Variants in ERC2 observed in about 807,000 individuals in gnomAD.
ERC2 encodes the protein ERC protein 2.
ERC2 carries 42 observed loss-of-function variants against 114.8 expected under a neutral mutation model. The ratio of observed to expected loss-of-function variants is 0.37; its 90% confidence interval spans 0.29 to 0.47. The LOEUF (loss-of-function observed/expected upper bound fraction) is 0.47, where lower values mean the gene tolerates loss of function less well. Ranked by LOEUF, ERC2 falls within the 20% of genes least tolerant of loss-of-function variation. The pLI, the probability that ERC2 is intolerant of heterozygous loss-of-function variation, is 0.99. For synonymous variants in ERC2, 454 were observed against 425.5 expected, an observed-to-expected ratio of 1.07 and a Z score of -0.82; for missense variants, 939 against 1,150.7, an observed-to-expected ratio of 0.82 and a Z score of 2.66.
At chr3:55,698,324 A>C (rs903999135) in intron 16 of ERC2, among the ~76,000 whole-genome samples, 2 of 152,038 alleles carry the variant, frequency 1.3e-5, no homozygotes, top group African/African-American at 2.4e-5. Context: ...TGTTCTATAT[A>C]AACAGCTCCC....
intron 12 of ERC2, among the ~76,000 whole-genome samples, chr3:55,958,160 G>A (rs1057400031): frequency 1.3e-5 from 2 of 152,168 alleles, no homozygotes; most frequent in Admixed American, 1.3e-4. Context: ...TTTTCTGCAG[G>A]CAGGTCATCC....
At chr3:56,083,055 GC>G (rs2077319364) in intron 6 of ERC2, among the ~76,000 whole-genome samples, 1 of 152,172 alleles carries the variant, frequency 6.6e-6, no homozygotes, top group African/African-American at 2.4e-5. Context: ...GTTGGGGACT[GC>G]TGATATAGAA....
In ERC2 at chr3:55,882,750, T is replaced by C. The variant is rs1354556288; in HGVS notation, c.2564+5639A>G. 3.9e-5 allele frequency among the ~76,000 whole-genome samples: 6 copies of C among 152,208 alleles called. No homozygotes were observed. The South Asian group carries it at 1.2e-3, about 32-fold the overall frequency. On this transcript the variant is annotated intron_variant, in intron 14 of 17. Transcript: ENST00000288221. ...TTCAGCATCTGTGGATTTTGGTATC[T>C]AAAGGAGGCCCTAGAACCAATCACC... is the stretch of plus-strand genomic sequence containing the variant.
chr3:56,443,765 C>T (rs1484657327), intron 1 of ERC2, among the ~76,000 whole-genome samples: 1 of 151,862 alleles, frequency 6.6e-6, no homozygotes, highest in East Asian at 1.9e-4. Flanking sequence ...CTTTATTGAG[C>T]AATCAATAAT....
At chr3:56,368,498 C>T (rs1331761233) in intron 2 of ERC2, among the ~76,000 whole-genome samples, 1 of 152,204 alleles carries the variant, frequency 6.6e-6, no homozygotes, top group East Asian at 1.9e-4. Flanking sequence ...CCTTCAACAA[C>T]ATGCAAGAGT....
intron 2 of ERC2, among the ~76,000 whole-genome samples, chr3:56,403,524 C>T (rs1284550659): frequency 1.3e-5 from 2 of 152,186 alleles, no homozygotes; most frequent in Non-Finnish European, 1.5e-5. Context: ...TCCTCTGGAG[C>T]CTTGCCACTC....
chr3:56,445,370 A>T (rs2062512982), intron 1 of ERC2, among the ~76,000 whole-genome samples: 1 of 152,124 alleles, frequency 6.6e-6, no homozygotes, highest in African/African-American at 2.4e-5. Flanking sequence ...TCTTTACCAA[A>T]TCTTATTAAT....
intron 14 of ERC2, among the ~76,000 whole-genome samples, chr3:55,875,738 A>G (rs1324925548): frequency 7.0e-6 from 1 of 143,388 alleles, no homozygotes; most frequent in East Asian, 2.0e-4. Flanking sequence ...TCTCTCTCTC[A>G]CCCCTCTTCC....
rs1287467586 is a variant in ERC2, at chr3:55,836,710, T to C, written c.2564+51679A>G. ...TAGGCGTGGGCAAGGACTTCATGTC[T>C]AAAACACCAAAAGCAATGGCAACAA... On this transcript the variant is annotated intron_variant, in intron 14 of 17. Transcript: ENST00000288221. 7.9e-5 allele frequency among the ~76,000 whole-genome samples: 12 copies of C among 152,022 alleles called. No individual in the cohort carries two copies. In the East Asian group the frequency reaches 1.7e-3, roughly 22 times the overall value.
intron 13 of ERC2, among the ~76,000 whole-genome samples, chr3:55,898,126 T>A (rs2063930270): frequency 6.6e-6 from 1 of 152,168 alleles, no homozygotes; most frequent in Non-Finnish European, 1.5e-5. Flanking sequence ...AATACATACA[T>A]CTGACTTAAC....
intron 17 of ERC2, among the ~76,000 whole-genome samples, chr3:55,523,654 T>C (rs2053115599): frequency 2.0e-5 from 3 of 152,228 alleles, no homozygotes; most frequent in Admixed American, 2.0e-4. Context: ...GACTGCATCC[T>C]AGGCTGCGTT....
At chr3:55,995,073 GCCTGT>G (rs2071402606) in intron 10 of ERC2, among the ~76,000 whole-genome samples, 2 of 152,128 alleles carry the variant, frequency 1.3e-5, no homozygotes, top group Non-Finnish European at 2.9e-5. Flanking sequence ...GGTGGCTCAC[GCCTGT>G]AAACCCAGCA....
intron 7 of ERC2, among the ~76,000 whole-genome samples, chr3:56,031,920 T>C (rs2149624596): frequency 6.6e-6 from 1 of 152,334 alleles, no homozygotes; most frequent in South Asian, 2.1e-4. Context: ...ATCCTCAATC[T>C]TGGAGGTGGA....
chr3:56,126,972 A>C (rs73091270), intron 6 of ERC2, among the ~76,000 whole-genome samples: 2,360 of 152,218 alleles, frequency 0.016, 27 homozygotes, highest in African/African-American at 0.024. Context: ...CAAATTCAGT[A>C]AGGATGCAGG....
intron 12 of ERC2, chr3:55,955,241 GGTGTGTTT>G (rs2067863833): frequency 6.7e-6 from 3 of 451,078 alleles, no homozygotes; most frequent in Non-Finnish European, 1.3e-5. Flanking sequence ...ACTGTATGGT[GGTGTGTTT>G]GTGTGTGTGT....
At chr3:56,256,781 A>G (rs928847162) in intron 3 of ERC2, among the ~76,000 whole-genome samples, 3 of 152,156 alleles carry the variant, frequency 2.0e-5, no homozygotes, top group African/African-American at 4.8e-5. Context: ...TGATGGTTTT[A>G]TAAGTGTTTG....
At chr3:56,300,418 G>A (rs1042553555) in intron 2 of ERC2, among the ~76,000 whole-genome samples, 2 of 152,084 alleles carry the variant, frequency 1.3e-5, no homozygotes, top group African/African-American at 4.8e-5. Flanking sequence ...GAAATGCAGA[G>A]AGGAGGGAAC....
chr3:55,524,957 G>A (rs1272858982), intron 17 of ERC2, among the ~76,000 whole-genome samples: 2 of 152,124 alleles, frequency 1.3e-5, no homozygotes, highest in Non-Finnish European at 2.9e-5. Flanking sequence ...CTCAAAAGAC[G>A]GCCACAGGTA....
chr3:55,851,186 T>C (rs1319920972), intron 14 of ERC2, among the ~76,000 whole-genome samples: 3 of 152,056 alleles, frequency 2.0e-5, no homozygotes, highest in Admixed American at 6.6e-5. Context: ...TAATGATTTT[T>C]TTAAGCCCAT....
Sources: allele counts gnomAD v4.1 joint callset (sites outside exome capture counted in the v4.1 genomes callset), GRCh38; gene constraint gnomAD v4.1.1; transcripts MANE v1.5; gene names NCBI Gene and HGNC (gene_info 2026-07-23, HGNC 2026-07-21).